Variants in SATL1 observed in about 807,000 individuals in gnomAD.
SATL1 encodes spermidine/spermine N(1)-acetyltransferase-like protein 1.
In SATL1, 47 loss-of-function variants were observed where a neutral mutation model predicts 51.8. The ratio of observed to expected loss-of-function variants is 0.91; its 90% CI spans 0.72 to 1.16. The LOEUF (loss-of-function observed/expected upper bound fraction) is 1.16, where lower values mean the gene tolerates loss of function less well. Among genes scored for constraint, SATL1 ranks in the 50% most tolerant of loss-of-function variants. The probability of loss-of-function intolerance (pLI) is 0.00; values close to 1 mark genes in which losing one functional copy is unlikely to be tolerated. For missense variants in SATL1, 520 were observed against 526.4 expected (o/e 0.99, Z 0.12); for synonymous variants, 176 against 182.4 (o/e 0.97, Z 0.28).
chrX:85,182,048 G>T (rs893282449), intron 2 of SATL1, among the ~76,000 whole-genome samples: 1 of 110,101 alleles, frequency 9.1e-6, no homozygotes, highest in Non-Finnish European at 1.9e-5. Context: ...TCAGATCAGG[G>T]TAATTAGCAT....
At chrX:85,228,646 T>G (rs910226428) in intron 1 of SATL1, among the ~76,000 whole-genome samples, 6 of 111,626 alleles carry the variant, frequency 5.4e-5, no homozygotes, top group African/African-American at 2.0e-4. Flanking sequence ...AATGGTCAAT[T>G]CTCAGTCCCC....
At chrX:85,130,150 G>T (rs934128212) in intron 2 of SATL1, among the ~76,000 whole-genome samples, 1 of 111,668 alleles carries the variant, frequency 9.0e-6, no homozygotes, top group Non-Finnish European at 1.9e-5. Context: ...TCAGGATAAT[G>T]CTGGCCTCAT....
chrX:85,133,290 C>G (rs766297988), intron 2 of SATL1, among the ~76,000 whole-genome samples: 14 of 112,028 alleles, frequency 1.2e-4, no homozygotes, highest in Admixed American at 6.6e-4. Context: ...AGGTGGGCCT[C>G]GTTGAGCTGC....
Position 85,133,450 on chromosome X carries a change from G to A in SATL1, c.-312-24170C>T, listed in dbSNP as rs201918950. ...GCAAGGCTCCATGGGTGTGGGACCCGCTGAGCCATGCGCAGGATATAATCT... is the reference window on the plus strand; with the variant it reads ...GCAAGGCTCCATGGGTGTGGGACCCACTGAGCCATGCGCAGGATATAATCT... On this transcript the variant is annotated intron_variant, in intron 2 of 7. Coordinates refer to ENST00000644105, the MANE Select transcript of SATL1 (RefSeq NM_001367857.2). 1.7e-4 allele frequency among the ~76,000 whole-genome samples: 19 copies of A among 112,327 alleles called. No homozygotes were observed. The East Asian group carries it at 2.8e-3, about 17-fold the overall frequency.
In SATL1 at chrX:85,108,481, G is replaced by A. The variant is rs954738672; in HGVS notation, c.488C>T (p.Thr163Ile). The stretch of plus-strand genomic sequence containing the variant: ...TGGTTGGCTCATGCCTATTTGGCTT[G>A]TGCCTAATTGGCTGGTGCCTACTTG... ...MRQVGTSQLG[T>I]SQIGMSQPGT... is the part of the protein sequence containing the mutation. The change falls in exon 3 of 8, where the codon ACA becomes ATA. Residue 163 changes from threonine (T) to isoleucine (I), a missense_variant. Transcript: ENST00000644105. 3 of 1,210,322 alleles carry A rather than the reference G, an allele frequency of 2.5e-6. No homozygotes were observed. The highest frequency in any genetic ancestry group is 3.4e-6 in the Non-Finnish European group (3 of 895,345).
At chrX:85,104,056 C>G in intron 3 of SATL1, 141 bp from the exon 4 acceptor site, 1 of 404,575 alleles carries the variant, frequency 2.5e-6, no homozygotes, top group Non-Finnish European at 4.5e-6. Context: ...TAATCCCAGT[C>G]ATCTAGAAAC....
intron 2 of SATL1, among the ~76,000 whole-genome samples, chrX:85,192,926 T>C (rs889861022): frequency 8.9e-6 from 1 of 111,777 alleles, no homozygotes; most frequent in African/African-American, 3.3e-5. Flanking sequence ...AAAAATCACA[T>C]ACAGAAGTTT....
chrX:85,156,483 G>C (rs1320745758), intron 2 of SATL1: 1 of 110,524 alleles, frequency 9.0e-6, no homozygotes, highest in African/African-American at 3.3e-5. Flanking sequence ...AAATGCCTCG[G>C]AGAAACAAAA....
intron 4 of SATL1, among the ~76,000 whole-genome samples, chrX:85,102,758 C>T (rs1216153470): frequency 1.8e-5 from 2 of 111,225 alleles, no homozygotes; most frequent in Non-Finnish European, 3.8e-5. Flanking sequence ...TATCTCTTAT[C>T]CAAAATTCTT....
chrX:85,107,457 TGGTTGG>T lies in SATL1; in HGVS notation c.1506_1511del (p.Ser502_Pro504delinsArg). 8.2e-7 allele frequency: 1 copy of T among 1,212,473 alleles called. No homozygotes were observed. The highest frequency in any genetic ancestry group is 1.1e-6 in the Non-Finnish European group (1 of 895,596). On this transcript the variant is annotated inframe_deletion, in exon 3 of 8. Transcript: ENST00000644105. ...GGCTCCTGCCTGGTTGACTCAGGCC[TGGTTGG>T]CTCAGCACTAATTGGTTCAGGTCTT...
chrX:85,127,834 C>T (rs758268537), intron 2 of SATL1, among the ~76,000 whole-genome samples: 2 of 110,526 alleles, frequency 1.8e-5, no homozygotes, highest in East Asian at 5.8e-4. Flanking sequence ...TGTGATGTTC[C>T]CTGCCCTATG....
chrX:85,199,104 G>A (rs1291849357), intron 2 of SATL1, among the ~76,000 whole-genome samples: 1 of 110,261 alleles, frequency 9.1e-6, no homozygotes, highest in Non-Finnish European at 1.9e-5. Context: ...CTCCCAAAGT[G>A]CTAGGATTAC....
At chrX:85,096,433 T>G (rs1298237056) in intron 4 of SATL1, among the ~76,000 whole-genome samples, 1 of 110,799 alleles carries the variant, frequency 9.0e-6, no homozygotes, top group Admixed American at 9.6e-5. Context: ...CATCATCAGG[T>G]GGAACAGGAT....
rs73234620 is a variant in SATL1, at chrX:85,183,200, T to C, written c.-313+41005A>G. Among the ~76,000 whole-genome samples, 973 of 111,171 alleles carry C rather than the reference T, an allele frequency of 8.8e-3. 21 individuals are homozygous for C. The South Asian group carries it at 0.11, about 13-fold the overall frequency. ...CTTATTTTTTTAACTAGTATTTTTA[T>C]AGTTTCGGGTTCTATATTTAGGTCT... is the stretch of plus-strand genomic sequence containing the variant. On this transcript the variant is annotated intron_variant, in intron 2 of 7. Coordinates refer to ENST00000644105, the MANE Select transcript of SATL1 (RefSeq NM_001367857.2).
At position 85,147,172 on chromosome X, in the gene SATL1, C is replaced by A. The variant is rs1364282916; in HGVS notation, c.-312-37892G>T. On this transcript the variant is annotated intron_variant, in intron 2 of 7. Transcript: ENST00000644105. ...AATGGCACACCAGGAGATTATATCC[C>A]ACACCTGGCTCAGAGGGTCCTACGC... Among the ~76,000 whole-genome samples the A allele has an allele frequency of 2.6e-5, 3 of 114,744 alleles. No individual in the cohort carries two copies. The Admixed American group carries it at 2.7e-4, about 10-fold the overall frequency.
chrX:85,192,450 C>T (rs1927460450), intron 2 of SATL1, among the ~76,000 whole-genome samples: 1 of 110,900 alleles, frequency 9.0e-6, no homozygotes, highest in African/African-American at 3.3e-5. Context: ...ACTTGGAGTT[C>T]CACAAACACT....
chrX:85,242,505 C>A (rs1019234609), intron 1 of SATL1, among the ~76,000 whole-genome samples: 3 of 111,982 alleles, frequency 2.7e-5, no homozygotes, highest in African/African-American at 6.5e-5. Context: ...TTTTTCACTG[C>A]GCATTAAGAT....
intron 2 of SATL1, among the ~76,000 whole-genome samples, chrX:85,151,907 CA>C (rs1014498864): frequency 9.0e-5 from 10 of 110,971 alleles, no homozygotes; most frequent in African/African-American, 1.3e-4. Context: ...TAGGCATGGG[CA>C]AGGACTTCAA....
At chrX:85,204,446 T>A (rs922291962) in intron 2 of SATL1, among the ~76,000 whole-genome samples, 40 of 112,216 alleles carry the variant, frequency 3.6e-4, no homozygotes, top group African/African-American at 1.0e-3. Flanking sequence ...TGGCTTTTTT[T>A]AAAAATCCTG....
Sources: allele counts gnomAD v4.1 joint callset (sites outside exome capture counted in the v4.1 genomes callset), GRCh38; gene constraint gnomAD v4.1.1; transcripts MANE v1.5; gene names NCBI Gene and HGNC (gene_info 2026-07-23, HGNC 2026-07-21).